ZFHX3: variants seen among roughly 807,000 people sequenced by gnomAD.
ZFHX3 encodes the protein zinc finger homeobox protein 3.
A neutral mutation model predicts 279.1 loss-of-function variants in ZFHX3; 42 were observed. The observed-to-expected ratio is 0.15, with a 90% CI of 0.12 to 0.19. ZFHX3 has a LOEUF of 0.19. ZFHX3 is among the 10% of genes least tolerant of loss of function. The pLI is 1.00. For missense variants in ZFHX3, 4,981 were observed against 4,754.0 expected (o/e 1.05, Z -1.40); for synonymous variants, 2,293 against 1,957.8 (o/e 1.17, Z -4.52).
chr16:73,035,534 A>G (rs1369243972), intron 1 of ZFHX3, among the ~76,000 whole-genome samples: 1 of 152,178 alleles, frequency 6.6e-6, no homozygotes, highest in Non-Finnish European at 1.5e-5. Context: ...TCACTGCCAA[A>G]CTCAAGTATA....
At chr16:73,170,232 T>TTTTTTTTTTTTTA (rs1967490034) in intron 5 of ZFHX3, among the ~76,000 whole-genome samples, 1 of 134,194 alleles carries the variant, frequency 7.5e-6, no homozygotes, top group African/African-American at 2.8e-5. Flanking sequence ...AGTTTTTTTT[T>TTTTTTTTTTTTTA]TTTTTTTTTT....
At chr16:73,366,346 G>T (rs1361093585) in intron 3 of ZFHX3, among the ~76,000 whole-genome samples, 1 of 152,076 alleles carries the variant, frequency 6.6e-6, no homozygotes, top group Non-Finnish European at 1.5e-5. Flanking sequence ...ATTTTTAAAA[G>T]GCTCATGATG....
At chr16:73,867,113 A>T (rs920028697) in intron 1 of ZFHX3, among the ~76,000 whole-genome samples, 1 of 152,052 alleles carries the variant, frequency 6.6e-6, no homozygotes, top group Non-Finnish European at 1.5e-5. Flanking sequence ...CCCCACCTCA[A>T]CTACAGGTGA....
intron 3 of ZFHX3, among the ~76,000 whole-genome samples, chr16:73,356,530 A>G (rs2016344028): frequency 6.6e-6 from 1 of 152,012 alleles, no homozygotes; most frequent in South Asian, 2.1e-4. Context: ...CTTGTTCTAC[A>G]TGCTAAAGAC....
chr16:73,526,752 C>A (rs2019702639), intron 2 of ZFHX3, among the ~76,000 whole-genome samples: 1 of 152,140 alleles, frequency 6.6e-6, no homozygotes, highest in Non-Finnish European at 1.5e-5. Flanking sequence ...GGCTAATAAT[C>A]TAGCAATTGC....
intron 2 of ZFHX3, among the ~76,000 whole-genome samples, chr16:73,586,858 T>C (rs77282974): frequency 0.018 from 2,699 of 152,326 alleles, 86 homozygotes; most frequent in East Asian, 0.1. Flanking sequence ...AATTCATATC[T>C]AATATATATT....
At chr16:72,870,237 C>G (rs923137298) in intron 4 of ZFHX3, among the ~76,000 whole-genome samples, 1 of 151,664 alleles carries the variant, frequency 6.6e-6, no homozygotes, top group East Asian at 1.9e-4. Context: ...ACAAAAAATA[C>G]AAAAACTAGC....
rs751779532 is a variant in ZFHX3 at position 72,957,732 on chromosome 16, C to A, written c.2414G>T (p.Arg805Leu). 6.2e-7 allele frequency: 1 copy of A among 1,614,140 alleles called. No homozygotes were observed. Among genetic ancestry groups the A allele is most frequent in the Admixed American group, 1.7e-5 (1 of 60,020 alleles). Residue 805 changes from arginine (R) to leucine (L), a missense_variant, in exon 2 of 10, where the codon CGG (arginine) becomes CTG (leucine). Transcript: ENST00000268489. ...PTKPKTKPTW[R>L]CEVCDYETNV... ...GGTCTCATAATCACACACCTCGCAC[C>A]GCCAGGTGGGTTTGGTTTTTGGTTT...
intron 3 of ZFHX3, among the ~76,000 whole-genome samples, chr16:72,927,600 C>A (rs1002169643): frequency 6.6e-6 from 1 of 152,170 alleles, no homozygotes; most frequent in South Asian, 2.1e-4. Context: ...GCCTTCCCAG[C>A]GGCCCGCGAG....
At chr16:72,970,627 C>A (rs1426569113) in intron 1 of ZFHX3, among the ~76,000 whole-genome samples, 1 of 152,234 alleles carries the variant, frequency 6.6e-6, no homozygotes, top group Non-Finnish European at 1.5e-5. Context: ...AGCTCACAAC[C>A]CCAACCTTCA....
chr16:73,695,821 T>C (rs1223952901), intron 1 of ZFHX3, among the ~76,000 whole-genome samples: 4 of 152,084 alleles, frequency 2.6e-5, no homozygotes, highest in African/African-American at 4.8e-5. Flanking sequence ...AGGGTACCCA[T>C]TTGTCTCAGT....
At chr16:73,282,651 T>C (rs1337763698) in intron 4 of ZFHX3, among the ~76,000 whole-genome samples, 1 of 152,230 alleles carries the variant, frequency 6.6e-6, no homozygotes, top group Non-Finnish European at 1.5e-5. Context: ...TGTATTTCAG[T>C]CTTTGCTATT....
intron 5 of ZFHX3, among the ~76,000 whole-genome samples, chr16:73,172,988 G>GTTTTTTTTTTTTTTTTTT (rs1296855983): frequency 2.2e-5 from 1 of 46,170 alleles, no homozygotes. Flanking sequence ...TGATGGGACT[G>GTTTTTTTTTTTTTTTTTT]TTTTTTTGTT....
chr16:73,496,729 A>G (rs1351043238), intron 2 of ZFHX3, among the ~76,000 whole-genome samples: 1 of 151,638 alleles, frequency 6.6e-6, no homozygotes, highest in Non-Finnish European at 1.5e-5. Context: ...TGCAAACTAT[A>G]TTTCCCAAGA....
chr16:73,262,768 T>C (rs2013860870), intron 4 of ZFHX3, among the ~76,000 whole-genome samples: 1 of 152,136 alleles, frequency 6.6e-6, no homozygotes, highest in African/African-American at 2.4e-5. Flanking sequence ...GCCTGGATTG[T>C]AAGGGGTCTT....
At chr16:73,025,636 TG>T (rs1964470742) in intron 1 of ZFHX3, among the ~76,000 whole-genome samples, 1 of 152,098 alleles carries the variant, frequency 6.6e-6, no homozygotes, top group South Asian at 2.1e-4. Context: ...CAGGCACCCC[TG>T]GGCTGCAGGT....
intron 3 of ZFHX3, among the ~76,000 whole-genome samples, chr16:72,898,830 T>TAC (rs2038963644): frequency 6.6e-6 from 1 of 150,796 alleles, no homozygotes. Context: ...GAACACCCCC[T>TAC]ACATCTTCCT....
At chr16:73,224,749 C>G (rs1193111753) in intron 5 of ZFHX3, among the ~76,000 whole-genome samples, 1 of 152,114 alleles carries the variant, frequency 6.6e-6, no homozygotes, top group Non-Finnish European at 1.5e-5. Context: ...ATGTTTCAAC[C>G]AAATGGACAA....
At chr16:73,168,421 T>G (rs1967444356) in intron 5 of ZFHX3, among the ~76,000 whole-genome samples, 1 of 151,962 alleles carries the variant, frequency 6.6e-6, no homozygotes, top group African/African-American at 2.4e-5. Flanking sequence ...CTGGCTAAGT[T>G]AAAACTTGTT....
Sources: gnomAD v4.1 joint callset for allele counts (sites outside exome capture counted in the v4.1 genomes callset) on GRCh38, gnomAD v4.1.1 for gene constraint, MANE v1.5 for transcripts, NCBI Gene and HGNC (gene_info 2026-07-23, HGNC 2026-07-21) for gene names.